Variants in SCAMP1 observed in about 807,000 individuals in gnomAD.
SCAMP1 encodes the protein secretory carrier-associated membrane protein 1.
In SCAMP1, 15 loss-of-function variants were observed where a neutral mutation model predicts 41.8. The observed-to-expected ratio is 0.36, with a 90% CI of 0.24 to 0.55. The LOEUF (loss-of-function observed/expected upper bound fraction) is 0.55. Ranked by LOEUF, SCAMP1 falls within the 20% of genes least tolerant of loss-of-function variation. SCAMP1 has a pLI of 0.86. For synonymous variants in SCAMP1, 135 were observed against 136.8 expected, an observed-to-expected ratio of 0.99 and a Z score of 0.09; for missense variants, 341 against 412.6, an observed-to-expected ratio of 0.83 and a Z score of 1.50.
intron 1 of SCAMP1, among the ~76,000 whole-genome samples, chr5:78,386,430 G>A (rs558263930): frequency 2.0e-5 from 3 of 152,130 alleles, no homozygotes; most frequent in African/African-American, 7.2e-5. Context: ...TTTAAGTGGA[G>A]CATTTAAGCC....
chr5:78,451,290 C>A (rs1400293386), intron 7 of SCAMP1, among the ~76,000 whole-genome samples: 1 of 152,136 alleles, frequency 6.6e-6, no homozygotes, highest in African/African-American at 2.4e-5. Flanking sequence ...CACATACAAT[C>A]ATAATAAATA....
intron 4 of SCAMP1, among the ~76,000 whole-genome samples, 164 bp downstream of exon 4, chr5:78,416,813 T>C (rs1752222173): frequency 6.6e-6 from 1 of 152,226 alleles, no homozygotes; most frequent in South Asian, 2.1e-4. Context: ...CTCTGTAGCC[T>C]TCTAATCTTG....
intron 1 of SCAMP1, among the ~76,000 whole-genome samples, chr5:78,371,306 G>T (rs1750938368): frequency 1.3e-5 from 2 of 152,084 alleles, no homozygotes; most frequent in Non-Finnish European, 2.9e-5. Context: ...TTGAATTTAG[G>T]TCTATGATTC....
intron 2 of SCAMP1, among the ~76,000 whole-genome samples, chr5:78,400,058 A>G (rs1241698558): frequency 2.0e-5 from 3 of 152,152 alleles, no homozygotes; most frequent in African/African-American, 4.8e-5. Flanking sequence ...AGTAGCTGGG[A>G]CTATAGGCAT....
At chr5:78,401,167 C>T (rs1368776303) in intron 2 of SCAMP1, among the ~76,000 whole-genome samples, 1 of 152,064 alleles carries the variant, frequency 6.6e-6, no homozygotes, top group African/African-American at 2.4e-5. Flanking sequence ...GTTGAACCAG[C>T]CTAGGATACC....
At chr5:78,464,850 G>A (rs1020290794) in intron 8 of SCAMP1, among the ~76,000 whole-genome samples, 1 of 152,170 alleles carries the variant, frequency 6.6e-6, no homozygotes, top group Non-Finnish European at 1.5e-5. Flanking sequence ...CACAGATTGG[G>A]ATTATAGTGG....
At chr5:78,437,155 G>T (rs186194472) in intron 6 of SCAMP1, among the ~76,000 whole-genome samples, 26 of 152,168 alleles carry the variant, frequency 1.7e-4, no homozygotes, top group African/African-American at 6.0e-4. Flanking sequence ...ATACAATCAT[G>T]TCATCTGCAA....
At chr5:78,474,079 T>G (rs1250843124) in intron 8 of SCAMP1, among the ~76,000 whole-genome samples, 1 of 151,946 alleles carries the variant, frequency 6.6e-6, no homozygotes, top group African/African-American at 2.4e-5. Context: ...AAAAAAGTTC[T>G]TTTTGGAGAC....
At chr5:78,460,627 A>G (rs990467860) in intron 8 of SCAMP1, among the ~76,000 whole-genome samples, 44 of 150,814 alleles carry the variant, frequency 2.9e-4, no homozygotes, top group Middle Eastern at 3.2e-3. Context: ...TAAGTCCTTT[A>G]TACATTCTGG....
rs770508185 is a variant in SCAMP1 at position 78,449,923 on chromosome 5, T to G, written c.633-10T>G. The G allele has an allele frequency of 7.5e-6, 11 of 1,459,812 alleles. No individual in the cohort carries two copies. The highest frequency in any genetic ancestry group is 1.0e-5 in the Non-Finnish European group (11 of 1,083,452). 90.4% of individuals were successfully genotyped at this position (1,459,812 alleles called of 1,614,324 possible). On this transcript the variant is annotated splice_polypyrimidine_tract_variant and intron_variant, in intron 6 of 8. Coordinates refer to ENST00000621999, the MANE Select transcript of SCAMP1 (RefSeq NM_004866.6). The stretch of plus-strand genomic sequence containing the variant: ...CCCCTTTTTTCTTTCTTTCTTTTTT[T>G]TTTTCAAAGGAGTGACAGTTCATTT...
intron 1 of SCAMP1, among the ~76,000 whole-genome samples, chr5:78,361,985 G>C (rs933688293): frequency 2.0e-5 from 3 of 152,218 alleles, no homozygotes; most frequent in Admixed American, 6.5e-5. Flanking sequence ...CTTTGTAGCA[G>C]TGTAGAATTA....
At chr5:78,456,946 T>C (rs201361259) in intron 7 of SCAMP1, among the ~76,000 whole-genome samples, 74 of 135,208 alleles carry the variant, frequency 5.5e-4, no homozygotes, top group Middle Eastern at 3.4e-3. Context: ...CATCTTCCAT[T>C]GCTGATACCC....
At chr5:78,442,022 G>A (rs918062326) in intron 6 of SCAMP1, among the ~76,000 whole-genome samples, 2 of 152,122 alleles carry the variant, frequency 1.3e-5, no homozygotes, top group Admixed American at 6.5e-5. Context: ...CCAGCTACTC[G>A]GGAGGCTGAG....
chr5:78,385,094 G>C (rs1449944840), intron 1 of SCAMP1, among the ~76,000 whole-genome samples: 1 of 151,812 alleles, frequency 6.6e-6, no homozygotes, highest in Non-Finnish European at 1.5e-5. Flanking sequence ...TTTTTTTGTT[G>C]GTAACTTTTT....
chr5:78,407,520 A>G (rs779585572), intron 2 of SCAMP1, among the ~76,000 whole-genome samples: 6 of 150,888 alleles, frequency 4.0e-5, no homozygotes, highest in Admixed American at 2.0e-4. Context: ...TTTCATTGTG[A>G]TGTATCTGAG....
chr5:78,436,208 G>A (rs1469780159), intron 6 of SCAMP1, among the ~76,000 whole-genome samples: 1 of 152,162 alleles, frequency 6.6e-6, no homozygotes, highest in African/African-American at 2.4e-5. Context: ...CTTTTGCCAT[G>A]CAGAAGCTCT....
intron 7 of SCAMP1, among the ~76,000 whole-genome samples, chr5:78,451,784 A>G (rs1361370619): frequency 6.6e-6 from 1 of 152,188 alleles, no homozygotes. Flanking sequence ...CCTCCCGAGT[A>G]GCTGGGATTA....
chr5:78,437,010 A>AT (rs1349276143), intron 6 of SCAMP1, among the ~76,000 whole-genome samples: 2 of 152,166 alleles, frequency 1.3e-5, no homozygotes, highest in African/African-American at 4.8e-5. Flanking sequence ...TTCACTCACA[A>AT]TTTGGCTCTC....
intron 8 of SCAMP1, 25 bp from the exon 9 acceptor site, chr5:78,475,479 C>T (rs1242278536): frequency 1.3e-6 from 2 of 1,529,298 alleles, no homozygotes; most frequent in Admixed American, 2.2e-5. Context: ...TACTTACCTT[C>T]TCCCACTTTT....
Sources: allele counts gnomAD v4.1 joint callset (sites outside exome capture counted in the v4.1 genomes callset), GRCh38; gene constraint gnomAD v4.1.1; transcripts MANE v1.5; gene names NCBI Gene and HGNC (gene_info 2026-07-23, HGNC 2026-07-21).